CYFIP2: variants seen among roughly 807,000 people sequenced by gnomAD.
CYFIP2 encodes cytoplasmic FMR1-interacting protein 2.
In CYFIP2, 29 loss-of-function variants were observed where a neutral mutation model predicts 158.7. That is an observed-to-expected ratio of 0.18 (90% confidence interval 0.14 to 0.25). The LOEUF is 0.25. CYFIP2 is among the 10% of genes least tolerant of loss of function. The pLI is 1.00. For synonymous variants in CYFIP2, 585 were observed against 617.6 expected, an observed-to-expected ratio of 0.95 and a Z score of 0.78; for missense variants, 852 against 1,639.5, an observed-to-expected ratio of 0.52 and a Z score of 8.29.
chr5:157,335,339 G>A (rs147008228), intron 21 of CYFIP2, among the ~76,000 whole-genome samples: 1 of 152,090 alleles, frequency 6.6e-6, no homozygotes, highest in South Asian at 2.1e-4. Context: ...GTGCAGTGGC[G>A]TGATCTCAGC....
Position 157,319,905 on chromosome 5 carries a change from G to C in CYFIP2, c.1500G>C (p.Arg500=), listed in dbSNP as rs778488561. Reference sequence around the variant, plus strand: ...GTGAGCCCCTGCGGCAGGCGGTACGGAAGAAGAAGAATGTCCTCATCAGGT... The same window carrying C: ...GTGAGCCCCTGCGGCAGGCGGTACGCAAGAAGAAGAATGTCCTCATCAGGT... ...TLREPLRQAV[R]KKKNVLISVL... is the part of the protein sequence containing the mutation. The change falls in exon 14 of 31, where the codon CGG becomes CGC. Residue 500 remains arginine, a synonymous_variant. Coordinates refer to ENST00000620254, the MANE Select transcript of CYFIP2 (RefSeq NM_001037333.3). 21 of 1,613,966 alleles carry C rather than the reference G, an allele frequency of 1.3e-5. No individual in the cohort carries two copies. In the East Asian group the frequency reaches 4.7e-4, roughly 36 times the overall value.
intron 28 of CYFIP2, chr5:157,384,406 A>T (rs1197055265): frequency 2.2e-6 from 1 of 456,776 alleles, no homozygotes; most frequent in Non-Finnish European, 4.4e-6. Context: ...TGTTTAAGAG[A>T]TTTAGGATTG....
Position 157,320,702 on chromosome 5 carries a change from G to A in CYFIP2, c.1571G>A (p.Arg524Gln), listed in dbSNP as rs746795054. The change falls in exon 15 of 31, where the codon CGA (arginine) becomes CAA (glutamine). Residue 524 changes from arginine to glutamine, a missense_variant. This residue lies in a region of CYFIP2 where 167 missense variants were observed against 343.3 expected (regional missense o/e 0.49). Coordinates refer to ENST00000620254, the MANE Select transcript of CYFIP2 (RefSeq NM_001037333.3). ...ACCATCTGTGACTGGGAGGGAGGGC[G>A]AGAGCCCCCTAATGACCCATGCTTG... Reference protein sequence around the residue: ...RKTICDWEGGREPPNDPCLRG... With the variant: ...RKTICDWEGGQEPPNDPCLRG... 5 of 1,613,740 alleles carry A rather than the reference G, an allele frequency of 3.1e-6. No individual in the cohort carries two copies. Among genetic ancestry groups the A allele is most frequent in the East Asian group, 2.2e-5 (1 of 44,892 alleles).
At chr5:157,285,154 A>G (rs1757274913) in intron 1 of CYFIP2, among the ~76,000 whole-genome samples, 185 bp from the exon 2 acceptor site, 1 of 152,238 alleles carries the variant, frequency 6.6e-6, no homozygotes, top group Non-Finnish European at 1.5e-5. Context: ...CTTGTTAGCC[A>G]TAAAGAGATC....
At chr5:157,321,194 C>T (rs1220422787) in intron 15 of CYFIP2, among the ~76,000 whole-genome samples, 3 of 152,204 alleles carry the variant, frequency 2.0e-5, no homozygotes, top group African/African-American at 7.2e-5. Flanking sequence ...ATCTATGCTG[C>T]CCCTCTTTAA....
At chr5:157,295,362 T>C (rs772830546) in intron 4 of CYFIP2, among the ~76,000 whole-genome samples, 1 of 152,392 alleles carries the variant, frequency 6.6e-6, no homozygotes, top group Non-Finnish European at 1.5e-5. Context: ...ACTTTTGTCA[T>C]GTTGACACAC....
At chr5:157,280,363 ATTT>A (rs57893061) in intron 1 of CYFIP2, among the ~76,000 whole-genome samples, 1 of 133,226 alleles carries the variant, frequency 7.5e-6, no homozygotes, top group Non-Finnish European at 1.6e-5. Flanking sequence ...CGCCTGGCTA[ATTT>A]TTTTTTTTTT....
chr5:157,310,754 G>A (rs537323878), intron 10 of CYFIP2, among the ~76,000 whole-genome samples: 12 of 152,218 alleles, frequency 7.9e-5, no homozygotes, highest in Non-Finnish European at 1.5e-4. Context: ...AACTCTTTGA[G>A]TGATATTGAA....
intron 22 of CYFIP2, among the ~76,000 whole-genome samples, chr5:157,340,347 AC>A (rs1474282598): frequency 5.3e-5 from 8 of 152,240 alleles, no homozygotes; most frequent in Non-Finnish European, 1.2e-4. Flanking sequence ...CCACAAATGC[AC>A]CTGGATCCAC....
intron 3 of CYFIP2, chr5:157,288,467 A>G (rs1757567093): frequency 2.6e-6 from 1 of 377,714 alleles, no homozygotes; most frequent in South Asian, 2.0e-5. Context: ...CATTCATTCA[A>G]TAAGTATTGT....
intron 11 of CYFIP2, among the ~76,000 whole-genome samples, chr5:157,313,671 A>G (rs1461446762): frequency 6.6e-6 from 1 of 152,230 alleles, no homozygotes. Flanking sequence ...GGAATTCACA[A>G]ATACAGAATC....
chr5:157,343,390 G>A (rs1762439421), intron 23 of CYFIP2: 2 of 1,614,100 alleles, frequency 1.2e-6, no homozygotes, highest in South Asian at 2.2e-5. Context: ...TCTCCTCGTG[G>A]TGGAAGCTGT....
intron 3 of CYFIP2, among the ~76,000 whole-genome samples, chr5:157,291,791 G>A (rs1200137454): frequency 6.6e-6 from 1 of 152,192 alleles, no homozygotes; most frequent in Non-Finnish European, 1.5e-5. Flanking sequence ...TTGATCTGCT[G>A]TTATACTAAT....
chr5:157,290,262 T>A (rs1757713307), intron 3 of CYFIP2, among the ~76,000 whole-genome samples: 1 of 152,210 alleles, frequency 6.6e-6, no homozygotes, highest in Admixed American at 6.5e-5. Flanking sequence ...CTTACTGAGT[T>A]AAAATCAGGG....
chr5:157,389,079 G>A (rs949564605), intron 28 of CYFIP2, 110 bp from the exon 29 acceptor site: 18 of 1,059,122 alleles, frequency 1.7e-5, no homozygotes, highest in Non-Finnish European at 2.3e-5. Context: ...ACCAGTTCTG[G>A]TGAACCAATT....
At chr5:157,384,580 G>T (rs1339369062) in intron 28 of CYFIP2, 1 of 437,268 alleles carries the variant, frequency 2.3e-6, no homozygotes, top group Admixed American at 2.4e-5. Flanking sequence ...CAGACGTCAT[G>T]CTGAGGAAGC....
chr5:157,326,126 AG>A (rs751099324), intron 17 of CYFIP2, 44 bp from the exon 18 acceptor site: 5 of 1,402,792 alleles, frequency 3.6e-6, no homozygotes, highest in African/African-American at 2.8e-5. Flanking sequence ...GTCTTCCTTA[AG>A]GGGGGTTATT....
chr5:157,310,960 A>G (rs148924789), intron 10 of CYFIP2: 1 of 455,792 alleles, frequency 2.2e-6, no homozygotes, highest in African/African-American at 2.0e-5. Flanking sequence ...TTGGGGATGG[A>G]GAGTGAAGAT....
chr5:157,301,574 G>A (rs985014487), intron 6 of CYFIP2, among the ~76,000 whole-genome samples: 2 of 152,116 alleles, frequency 1.3e-5, no homozygotes, highest in Admixed American at 1.3e-4. Flanking sequence ...GTGTAGAGGT[G>A]GAGACACCCT....
Sources: allele counts gnomAD v4.1 joint callset (sites outside exome capture counted in the v4.1 genomes callset), GRCh38; gene constraint gnomAD v4.1.1; regional missense constraint gnomAD v4.1.1; transcripts MANE v1.5; gene names NCBI Gene and HGNC (gene_info 2026-07-23, HGNC 2026-07-21).